The following PIWIL3 variants were observed in gnomAD, a reference collection of about 807,000 sequenced individuals.
The protein encoded by PIWIL3 is piwi-like protein 3.
Under a neutral mutation model 109.7 loss-of-function variants are expected in PIWIL3, and 101 were observed. The ratio of observed to expected loss-of-function variants is 0.92; its 90% CI spans 0.78 to 1.09. PIWIL3 has a LOEUF of 1.09. Among genes scored for constraint, PIWIL3 ranks in the 50% least tolerant of loss-of-function variants. PIWIL3 has a pLI of 0.00. For synonymous variants in PIWIL3, 373 were observed against 376.4 expected (o/e 0.99, Z 0.10); for missense variants, 1,031 against 1,072.6 (o/e 0.96, Z 0.54).
chr22:24,725,312 G>T, intron 17 of PIWIL3, 133 bp downstream of exon 17: 1 of 1,100,542 alleles, frequency 9.1e-7, no homozygotes, highest in Non-Finnish European at 1.3e-6. Context: ...AATGCCAGTA[G>T]CACCTCCACC....
chr22:24,719,768 G>A lies in PIWIL3; in HGVS notation c.2485C>T (p.His829Tyr), dbSNP rs1210037286. 1 of 1,612,580 alleles carries A rather than the reference G, an allele frequency of 6.2e-7. No homozygotes were observed. The highest frequency in any genetic ancestry group is 8.5e-7 in the Non-Finnish European group (1 of 1,178,930). ...CTTACTGGCAAATTATAATACATGT[G>A]GCATAGACAATATGTTAAACGCTGT... ...TVQRLTYCLC[H>Y]MYYNLPGIIR... is the part of the protein sequence containing the mutation. The change falls in exon 20 of 21, where the codon CAC becomes TAC. Residue 829 changes from histidine to tyrosine, a missense_variant. Physicochemically the swap from His to Tyr is moderately conservative, Grantham distance 83 (BLOSUM62 2). Coordinates refer to ENST00000616349, the MANE Select transcript of PIWIL3 (RefSeq NM_001255975.1).
At chr22:24,757,885 C>G in intron 4 of PIWIL3, 23 bp downstream of exon 4, 1 of 1,540,546 alleles carries the variant, frequency 6.5e-7, no homozygotes, top group Middle Eastern at 2.0e-4. Flanking sequence ...GCTCCATAAA[C>G]ATTGAGTTCT....
chr22:24,720,263 T>TTTTG (rs1922590653), intron 19 of PIWIL3, among the ~76,000 whole-genome samples: 4 of 53,018 alleles, frequency 7.5e-5, no homozygotes, highest in African/African-American at 4.5e-4. Flanking sequence ...TAAACTGTTT[T>TTTTG]TTTTTTTTTT....
chr22:24,749,851 T>G (rs1924600213), intron 9 of PIWIL3, 32 bp from the exon 10 acceptor site: 1 of 1,613,706 alleles, frequency 6.2e-7, no homozygotes, highest in Non-Finnish European at 8.5e-7. Context: ...AGCATGACCA[T>G]CAGTGAAACC....
intron 12 of PIWIL3, among the ~76,000 whole-genome samples, chr22:24,741,381 A>G (rs967195570): frequency 6.6e-6 from 1 of 152,158 alleles, no homozygotes; most frequent in African/African-American, 2.4e-5. Context: ...GGCATGCACC[A>G]TAGTCCCAGC....
chr22:24,770,676 A>C (rs1569115165), intron 1 of PIWIL3, among the ~76,000 whole-genome samples: 1 of 137,526 alleles, frequency 7.3e-6, no homozygotes, highest in African/African-American at 2.7e-5. Context: ...AAAAAAAAAA[A>C]AAACAAAAAT....
intron 14 of PIWIL3, among the ~76,000 whole-genome samples, chr22:24,733,757 T>G (rs1657820017): frequency 6.6e-6 from 1 of 152,040 alleles, no homozygotes; most frequent in African/African-American, 2.4e-5. Flanking sequence ...AAGATCGTGA[T>G]CACAGACTTG....
intron 18 of PIWIL3, among the ~76,000 whole-genome samples, chr22:24,723,520 C>CG (rs1569094983): frequency 6.6e-6 from 1 of 152,164 alleles, no homozygotes; most frequent in Non-Finnish European, 1.5e-5. Flanking sequence ...TGCTGAGCAG[C>CG]GGGCTCTCAA....
chr22:24,765,183 G>A (rs573578130), intron 1 of PIWIL3, among the ~76,000 whole-genome samples: 22 of 152,288 alleles, frequency 1.4e-4, no homozygotes, highest in East Asian at 9.6e-4. Context: ...TCACTGAAAT[G>A]TTTGGATTCT....
intron 12 of PIWIL3, among the ~76,000 whole-genome samples, chr22:24,745,853 A>C (rs1569104445): frequency 6.6e-6 from 1 of 152,118 alleles, no homozygotes; most frequent in Non-Finnish European, 1.5e-5. Flanking sequence ...AAATTGGAAA[A>C]TCTAGAAGAA....
intron 17 of PIWIL3, 65 bp downstream of exon 17, chr22:24,725,380 G>A (rs1157396908): frequency 4.4e-6 from 7 of 1,576,204 alleles, no homozygotes; most frequent in Non-Finnish European, 6.1e-6. Flanking sequence ...CCTGGAGGCA[G>A]TAAGTCCATT....
intron 12 of PIWIL3, among the ~76,000 whole-genome samples, chr22:24,736,714 C>T (rs1016657150): frequency 9.2e-5 from 14 of 152,304 alleles, no homozygotes; most frequent in South Asian, 2.1e-4. Flanking sequence ...GAATTGCTGA[C>T]GTCACCCTTC....
chr22:24,744,193 A>ATT (rs1446076517), intron 12 of PIWIL3, among the ~76,000 whole-genome samples: 2 of 145,402 alleles, frequency 1.4e-5, no homozygotes, highest in African/African-American at 2.6e-5. Flanking sequence ...AAAAAAAAAA[A>ATT]AAAAAAAAAA....
chr22:24,732,394 TA>T (rs1321363965), intron 14 of PIWIL3, among the ~76,000 whole-genome samples: 2 of 152,188 alleles, frequency 1.3e-5, no homozygotes, highest in Non-Finnish European at 2.9e-5. Flanking sequence ...CATAATGCCT[TA>T]AAATATTTAA....
intron 12 of PIWIL3, 106 bp downstream of exon 12, chr22:24,748,800 GA>G (rs1924523717): frequency 1.2e-6 from 1 of 823,344 alleles, no homozygotes; most frequent in Non-Finnish European, 1.9e-6. Flanking sequence ...TGAGCAGTCT[GA>G]AAAAAGAACA....
intron 13 of PIWIL3, among the ~76,000 whole-genome samples, chr22:24,735,370 T>C (rs1923599526): frequency 6.6e-6 from 1 of 152,188 alleles, no homozygotes; most frequent in Non-Finnish European, 1.5e-5. Flanking sequence ...GCAGGATATA[T>C]ATGAGAAGTC....
chr22:24,734,595 C>T (rs761687638), intron 13 of PIWIL3, among the ~76,000 whole-genome samples: 2 of 152,122 alleles, frequency 1.3e-5, no homozygotes, highest in Non-Finnish European at 2.9e-5. Context: ...GCATGGACAA[C>T]TGTGAGGGTT....
intron 18 of PIWIL3, among the ~76,000 whole-genome samples, chr22:24,724,169 C>T (rs547588023): frequency 6.6e-6 from 1 of 152,266 alleles, no homozygotes; most frequent in African/African-American, 2.4e-5. Flanking sequence ...GCTCCCCCAC[C>T]CATCCACAAA....
intron 12 of PIWIL3, among the ~76,000 whole-genome samples, chr22:24,745,784 C>T (rs1924331710): frequency 1.4e-5 from 2 of 142,176 alleles, no homozygotes; most frequent in African/African-American, 5.2e-5. Context: ...GAGAGGACAA[C>T]CAATATTGCA....
Sources: gnomAD v4.1 joint callset for allele counts (sites outside exome capture counted in the v4.1 genomes callset) on GRCh38, gnomAD v4.1.1 for gene constraint, MANE v1.5 for transcripts, NCBI Gene and HGNC (gene_info 2026-07-23, HGNC 2026-07-21) for gene names.